KHDRBS2: variants seen among roughly 807,000 people sequenced by gnomAD.
KHDRBS2 encodes the protein KH domain-containing, RNA-binding, signal transduction-associated protein 2.
A neutral mutation model predicts 44.3 loss-of-function variants in KHDRBS2; 26 were observed. That is an observed-to-expected ratio of 0.59 (90% confidence interval 0.43 to 0.81). KHDRBS2 has a LOEUF of 0.81. Ranked by LOEUF, KHDRBS2 falls within the 40% of genes least tolerant of loss-of-function variation. The pLI is 0.00. For missense variants in KHDRBS2, 476 were observed against 433.1 expected (o/e 1.10, Z -0.88); for synonymous variants, 194 against 151.1 (o/e 1.28, Z -2.08).
At chr6:61,598,868 G>C in the KHDRBS2 span, among the ~76,000 whole-genome samples, 2 of 118,148 alleles carry the variant, frequency 1.7e-5, no homozygotes, top group South Asian at 5.3e-4. Context: ...TGCACATCAG[G>C]GTATTCAAAA....
chr6:62,235,608 A>C (rs192565498), intron 1 of KHDRBS2, among the ~76,000 whole-genome samples: 9 of 152,192 alleles, frequency 5.9e-5, no homozygotes, highest in African/African-American at 2.2e-4. Flanking sequence ...GTGGAAAATC[A>C]AAATTTCCCT....
At chr6:62,158,408 A>C (rs1816915316) in intron 2 of KHDRBS2, among the ~76,000 whole-genome samples, 1 of 152,160 alleles carries the variant, frequency 6.6e-6, no homozygotes, top group African/African-American at 2.4e-5. Flanking sequence ...AAGCTGAAAA[A>C]CAGTTAAGAT....
At chr6:61,792,191 CTT>C (rs1006312138) in intron 6 of KHDRBS2, among the ~76,000 whole-genome samples, 12 of 151,544 alleles carry the variant, frequency 7.9e-5, no homozygotes, top group Non-Finnish European at 1.8e-4. Context: ...AAAAATAAGA[CTT>C]TACAACATTA....
chr6:61,727,054 A>G lies in KHDRBS2; in HGVS notation c.893+5628T>C, dbSNP rs143754846. On this transcript the variant is annotated intron_variant, in intron 7 of 8. Coordinates refer to ENST00000281156, the MANE Select transcript of KHDRBS2 (RefSeq NM_152688.4). ...AAGTCTACAGTAACCAAAACAGCACAATACTGGTACAAAAACAAACATATA... is the reference window on the plus strand; with the variant it reads ...AAGTCTACAGTAACCAAAACAGCACGATACTGGTACAAAAACAAACATATA... Among the ~76,000 whole-genome samples, 475 of 152,216 alleles carry G rather than the reference A, an allele frequency of 3.1e-3. 2 individuals carry two copies. Among genetic ancestry groups the G allele is most frequent in the Non-Finnish European group, 5.7e-3 (387 of 67,976 alleles).
At chr6:61,854,664 T>A (rs1795909226) in intron 6 of KHDRBS2, among the ~76,000 whole-genome samples, 1 of 152,172 alleles carries the variant, frequency 6.6e-6, no homozygotes, top group African/African-American at 2.4e-5. Context: ...ACTTCAGGCC[T>A]AAGATGATTA....
chr6:62,278,813 G>A (rs977305290), intron 1 of KHDRBS2, among the ~76,000 whole-genome samples: 13 of 152,148 alleles, frequency 8.5e-5, no homozygotes, highest in African/African-American at 3.1e-4. Flanking sequence ...AGGCAGACAC[G>A]GCCAGGCGTG....
intron 2 of KHDRBS2, among the ~76,000 whole-genome samples, chr6:62,120,025 T>C (rs1160742389): frequency 3.9e-5 from 6 of 152,146 alleles, no homozygotes; most frequent in African/African-American, 1.4e-4. Flanking sequence ...TGGGAATGGA[T>C]ATTAAGGGTG....
At chr6:62,113,537 G>T (rs1478113424) in intron 2 of KHDRBS2, among the ~76,000 whole-genome samples, 2 of 152,076 alleles carry the variant, frequency 1.3e-5, no homozygotes, top group Non-Finnish European at 2.9e-5. Context: ...CAAGTGATGT[G>T]GATGTGGAAA....
At chr6:61,586,902 A>G in the KHDRBS2 span, among the ~76,000 whole-genome samples, 13 of 152,322 alleles carry the variant, frequency 8.5e-5, no homozygotes, top group Non-Finnish European at 1.6e-4. Context: ...TTAATCTAAT[A>G]TAAATAGGGT....
At chr6:62,266,336 C>T (rs767052712) in intron 1 of KHDRBS2, among the ~76,000 whole-genome samples, 1 of 151,990 alleles carries the variant, frequency 6.6e-6, no homozygotes, top group African/African-American at 2.4e-5. Flanking sequence ...GCTGGCAGAG[C>T]CTGCTTCTTT....
the KHDRBS2 span, among the ~76,000 whole-genome samples, chr6:61,600,867 T>A: frequency 2.7e-3 from 416 of 152,268 alleles, 2 homozygotes; most frequent in Admixed American, 5.6e-3. Context: ...CATCTTTCAA[T>A]CTCTCCCTTC....
chr6:61,735,150 GT>G (rs1372427536), intron 6 of KHDRBS2, among the ~76,000 whole-genome samples: 1 of 151,774 alleles, frequency 6.6e-6, no homozygotes, highest in African/African-American at 2.4e-5. Flanking sequence ...CATTTTTTTG[GT>G]GATAAATTTA....
In KHDRBS2 at chr6:61,683,482, T is replaced by C. The variant is rs193043828; in HGVS notation, c.953-2422A>G. On this transcript the variant is annotated intron_variant, in intron 8 of 8. Transcript: ENST00000281156. Reference sequence around the variant, plus strand: ...GGGCTGAATGTAGTGAAAGGTTACATGAAAGAAAGGATGGATGAATGAACA... The same window carrying C: ...GGGCTGAATGTAGTGAAAGGTTACACGAAAGAAAGGATGGATGAATGAACA... 3.6e-3 allele frequency among the ~76,000 whole-genome samples: 554 copies of C among 151,852 alleles called. 3 individuals carry two copies. Among genetic ancestry groups the C allele is most frequent in the African/African-American group, 0.013 (521 of 41,490 alleles).
chr6:61,983,236 CT>C lies in KHDRBS2; in HGVS notation c.337-5025del, dbSNP rs1173961055. On this transcript the variant is annotated intron_variant, in intron 3 of 8. Transcript: ENST00000281156. ...TCTTTCTTTCTTTCTTTCTTTCTTT[CT>C]TTTTTTTTTTTTTTTTTTTTATAGT... Among the ~76,000 whole-genome samples, 50 of 118,506 alleles carry C rather than the reference CT, an allele frequency of 4.2e-4. 1 individual carries two copies. The highest frequency in any genetic ancestry group is 2.0e-3 in the East Asian group (8 of 4,086). 77.7% of individuals were successfully genotyped at this position (118,506 alleles called of 152,430 possible). A position where few individuals can be genotyped will look rare whatever the true frequency, so the allele number is the denominator to read the frequency against.
the KHDRBS2 span, among the ~76,000 whole-genome samples, chr6:61,645,580 C>A: frequency 1.3e-5 from 2 of 150,930 alleles, no homozygotes; most frequent in African/African-American, 4.9e-5. Context: ...AGATGGATAA[C>A]CTATGGATAT....
At chr6:61,602,933 A>T in the KHDRBS2 span, among the ~76,000 whole-genome samples, 2 of 151,930 alleles carry the variant, frequency 1.3e-5, no homozygotes, top group African/African-American at 2.4e-5. Context: ...CGTCATTGCC[A>T]CCTTTCCCCC....
intron 4 of KHDRBS2, among the ~76,000 whole-genome samples, chr6:61,924,497 C>T (rs1808609851): frequency 7.6e-6 from 1 of 132,258 alleles, no homozygotes. Context: ...TTAGTTACTT[C>T]TTTTTATCAT....
intron 6 of KHDRBS2, among the ~76,000 whole-genome samples, chr6:61,821,655 T>C (rs1789931813): frequency 6.6e-6 from 1 of 152,016 alleles, no homozygotes; most frequent in African/African-American, 2.4e-5. Context: ...GTGATGAGTG[T>C]TGGAGACTCA....
At chr6:62,241,100 A>G (rs1834589166) in intron 1 of KHDRBS2, among the ~76,000 whole-genome samples, 1 of 152,136 alleles carries the variant, frequency 6.6e-6, no homozygotes, top group Admixed American at 6.6e-5. Context: ...CATATTTTGA[A>G]AAATGTATAA....
Sources: gnomAD v4.1 joint callset for allele counts (sites outside exome capture counted in the v4.1 genomes callset) on GRCh38, gnomAD v4.1.1 for gene constraint, MANE v1.5 for transcripts, NCBI Gene and HGNC (gene_info 2026-07-23, HGNC 2026-07-21) for gene names.